The following DDX17 variants were observed in gnomAD, a reference collection of about 807,000 sequenced individuals.
DDX17 encodes DEAD-box helicase 17.
DDX17 carries 10 observed loss-of-function variants against 80.8 expected under a neutral mutation model. That is an observed-to-expected ratio of 0.12 (90% CI 0.08 to 0.21). DDX17 has a LOEUF of 0.21. Among genes scored for constraint, DDX17 ranks in the 10% least tolerant of loss-of-function variants. The probability of loss-of-function intolerance (pLI) is 1.00; values close to 1 mark genes in which losing one functional copy is unlikely to be tolerated. For synonymous variants in DDX17, 339 were observed against 336.2 expected (o/e 1.01, Z -0.09); for missense variants, 586 against 957.4 (o/e 0.61, Z 5.12).
At chr22:38,502,216 G>A (rs975641693) in intron 1 of DDX17, among the ~76,000 whole-genome samples, 5 of 152,272 alleles carry the variant, frequency 3.3e-5, no homozygotes, top group African/African-American at 1.2e-4. Context: ...TTTGAGACCA[G>A]CCTGGCCAAT....
At position 38,486,448 on chromosome 22, in the gene DDX17, G is replaced by A. The variant is rs375013718; in HGVS notation, c.1685-8C>T. 6.3e-7 allele frequency: 1 copy of A among 1,578,902 alleles called. No individual in the cohort carries two copies. The highest frequency in any genetic ancestry group is 2.2e-5 in the East Asian group (1 of 44,558). On this transcript the variant is annotated splice_polypyrimidine_tract_variant and splice_region_variant and intron_variant, in intron 12 of 12. Transcript: ENST00000403230. ...GGTAACGAGAACGACCACCTAATGG[G>A]AAGATACAAGAAGATTTTTAATGGC...
Position 38,506,097 on chromosome 22 carries a change from C to T in DDX17, c.141G>A (p.Glu47=), listed in dbSNP as rs2089880731. The T allele has an allele frequency of 1.3e-6, 2 of 1,578,312 alleles. No homozygotes were observed. Among genetic ancestry groups the T allele is most frequent in the Non-Finnish European group, 1.7e-6 (2 of 1,162,782 alleles). The stretch of plus-strand genomic sequence containing the variant: ...TGGTGACGACCGATGGCGGCGGCGC[C>T]TCCGCTGTTGGGGCGGCGGCAGGCG... The change falls in exon 1 of 13, where the codon GAG becomes GAA. Residue 47 remains glutamate (E), a synonymous_variant. Transcript: ENST00000403230.
chr22:38,505,761 C>T, intron 1 of DDX17, 190 bp downstream of exon 1: 1 of 678,160 alleles, frequency 1.5e-6, no homozygotes, highest in Non-Finnish European at 2.3e-6. Context: ...CGCCAAGCGG[C>T]CGCCCTCCTC....
intron 1 of DDX17, among the ~76,000 whole-genome samples, chr22:38,504,673 C>A (rs960128909): frequency 6.6e-5 from 10 of 152,120 alleles, no homozygotes; most frequent in Non-Finnish European, 1.5e-4. Context: ...GTGCTTGAGA[C>A]TAGTAAATCC....
chr22:38,490,041 G>C (rs1159754098), intron 11 of DDX17: 1 of 1,038,450 alleles, frequency 9.6e-7, no homozygotes, highest in South Asian at 3.3e-5. Flanking sequence ...TTCTAGAAGG[G>C]GGTGCTCAAT....
At chr22:38,496,039 G>T in intron 5 of DDX17, 102 bp from the exon 6 acceptor site, 1 of 1,092,712 alleles carries the variant, frequency 9.2e-7, no homozygotes, top group Non-Finnish European at 1.2e-6. Flanking sequence ...ATTCTTTGCT[G>T]TCTAATCTAG....
At chr22:38,495,718 C>A in intron 6 of DDX17, 78 bp downstream of exon 6, 1 of 1,288,914 alleles carries the variant, frequency 7.8e-7, no homozygotes, top group Non-Finnish European at 1.0e-6. Flanking sequence ...CAAGAACCCA[C>A]TTTTTTTCTC....
Position 38,494,894 on chromosome 22 carries a change from G to A in DDX17, c.1033C>T (p.Gln345Ter). Reference sequence around the variant, plus strand: ...TTATTAGCTTTACACACCCTGATTTGGTCAACAATTTTACGGATCTGGGGT... The same window carrying A: ...TTATTAGCTTTACACACCCTGATTTAGTCAACAATTTTACGGATCTGGGGT... The change falls in exon 7 of 13, where the codon CAA (glutamine) becomes TAA (stop). Residue 345 changes from glutamine to a stop codon, truncating the protein, a stop_gained. Transcript: ENST00000403230. LOFTEE classifies it high-confidence loss of function. The A allele has an allele frequency of 6.2e-7, 1 of 1,614,042 alleles. No individual in the cohort carries two copies. Among genetic ancestry groups the A allele is most frequent in the Non-Finnish European group, 8.5e-7 (1 of 1,179,976 alleles).
chr22:38,505,626 A>C, intron 1 of DDX17: 3 of 281,274 alleles, frequency 1.1e-5, no homozygotes, highest in Non-Finnish European at 2.0e-5. Flanking sequence ...GAGCCGGGAA[A>C]CCAGGCGAGG....
intron 11 of DDX17, chr22:38,491,305 T>G (rs184773295): frequency 2.4e-4 from 36 of 152,362 alleles, no homozygotes; most frequent in African/African-American, 8.2e-4. Flanking sequence ...TGTCAATAAT[T>G]TAAGGATTTC....
rs2089647848 is a variant in DDX17, at chr22:38,485,666, T to C, written c.*269A>G. 1 of 148,902 alleles carries C rather than the reference T, an allele frequency of 6.7e-6. No individual in the cohort carries two copies. The highest frequency in any genetic ancestry group is 2.8e-5 in the African/African-American group (1 of 36,306). The allele number at this position is 148,902 out of a possible 1,614,324, so 9.2% of individuals were successfully genotyped here. A position where few individuals can be genotyped will look rare whatever the true frequency, so the allele number is the denominator to read the frequency against. On this transcript the variant is annotated 3_prime_UTR_variant, in exon 13 of 13. Coordinates refer to ENST00000403230, the MANE Select transcript of DDX17 (RefSeq NM_006386.5). Reference sequence around the variant, plus strand: ...GAAGTTGGGGGAAGAAATTAATCTCTTCCAGTCAGCTATATATATATATAT... The same window carrying C: ...GAAGTTGGGGGAAGAAATTAATCTCCTCCAGTCAGCTATATATATATATAT...
chr22:38,506,120 G>A lies in DDX17; in HGVS notation c.118C>T (p.Pro40Ser), dbSNP rs1314227719. ...GCCTCCGCTGTTGGGGCGGCGGCAG[G>A]CGCAGCGCTCTCTCGCTCCGACGCG... The change falls in exon 1 of 13, where the codon CCT becomes TCT. Residue 40 changes from proline to serine, a missense_variant. This residue lies in a region of DDX17 where 215 missense variants were observed against 238.4 expected (regional missense o/e 0.90). Coordinates refer to ENST00000403230, the MANE Select transcript of DDX17 (RefSeq NM_006386.5). 4.4e-6 allele frequency: 7 copies of A among 1,577,648 alleles called. No individual in the cohort carries two copies. The highest frequency in any genetic ancestry group is 4.1e-5 in the African/African-American group (3 of 73,984).
intron 10 of DDX17, among the ~76,000 whole-genome samples, chr22:38,492,956 ATT>A (rs1569138947): frequency 6.6e-6 from 1 of 152,190 alleles, no homozygotes; most frequent in African/African-American, 2.4e-5. Flanking sequence ...CGGTAGTTAT[ATT>A]TTTATAATCA....
Position 38,494,387 on chromosome 22 carries a change from A to G in DDX17, c.1214+243T>C. The G allele has an allele frequency of 5.0e-6, 3 of 602,004 alleles. No homozygotes were observed. The East Asian group carries it at 8.6e-5, about 17-fold the overall frequency. 37.3% of individuals were successfully genotyped at this position (602,004 alleles called of 1,614,324 possible). ...TGAAGAAACTGCAGCACCAAGACAC[A>G]AAATTGTGCAAAATTATACAGCTTG... is the stretch of plus-strand genomic sequence containing the variant. On this transcript the variant is annotated intron_variant, in intron 8 of 12. Transcript: ENST00000403230.
chr22:38,502,479 C>G (rs2089840590), intron 1 of DDX17, among the ~76,000 whole-genome samples: 1 of 151,016 alleles, frequency 6.6e-6, no homozygotes, highest in East Asian at 1.9e-4. Context: ...CTACTTTTAC[C>G]TTCTATCTCC....
chr22:38,493,301 G>C (rs868720507), intron 10 of DDX17: 5 of 155,856 alleles, frequency 3.2e-5, no homozygotes, highest in African/African-American at 1.2e-4. Context: ...CTCAATCTCC[G>C]GAGTCGCTGG....
intron 11 of DDX17, chr22:38,490,021 T>C (rs1602672469): frequency 3.8e-6 from 4 of 1,042,200 alleles, no homozygotes; most frequent in Non-Finnish European, 4.6e-6. Flanking sequence ...ATGCTAATAC[T>C]TGGAAGTATT....
chr22:38,497,618 C>CAAAAAA (rs1158911848), intron 5 of DDX17, among the ~76,000 whole-genome samples: 1 of 12,712 alleles, frequency 7.9e-5, no homozygotes, highest in Non-Finnish European at 1.7e-4. Flanking sequence ...GAATATATCT[C>CAAAAAA]CAAAAAAAAA....
At chr22:38,500,993 ACC>A in intron 2 of DDX17, 135 bp downstream of exon 2, 1 of 1,166,126 alleles carries the variant, frequency 8.6e-7, no homozygotes. Flanking sequence ...AAAAAAATTA[ACC>A]AAAAAATTTT....
Sources: allele counts gnomAD v4.1 joint callset (sites outside exome capture counted in the v4.1 genomes callset), GRCh38; gene constraint gnomAD v4.1.1; regional missense constraint gnomAD v4.1.1; transcripts MANE v1.5; gene names NCBI Gene and HGNC (gene_info 2026-07-23, HGNC 2026-07-21).